The following PALS2 variants were observed in gnomAD, a reference collection of about 807,000 sequenced individuals.
The protein encoded by PALS2 is protein PALS2.
PALS2 carries 27 observed loss-of-function variants against 61.6 expected under a neutral mutation model. The observed-to-expected ratio is 0.44, with a 90% CI of 0.32 to 0.60. The LOEUF (loss-of-function observed/expected upper bound fraction) is 0.60, where lower values mean the gene tolerates loss of function less well. Ranked by LOEUF, PALS2 falls within the 20% of genes least tolerant of loss-of-function variation. The pLI, the probability that PALS2 is intolerant of heterozygous loss-of-function variation, is 0.05. For synonymous variants in PALS2, 236 were observed against 218.6 expected, an observed-to-expected ratio of 1.08 and a Z score of -0.70; for missense variants, 554 against 639.4, an observed-to-expected ratio of 0.87 and a Z score of 1.44.
chr7:24,602,042 C>T (rs1420930978), intron 1 of PALS2, among the ~76,000 whole-genome samples: 1 of 152,016 alleles, frequency 6.6e-6, no homozygotes, highest in Non-Finnish European at 1.5e-5. Context: ...TTCCAAAACC[C>T]ATCTGGTTTA....
chr7:24,663,539 C>T (rs1273169269), intron 5 of PALS2, 51 bp from the exon 6 acceptor site: 1 of 1,473,786 alleles, frequency 6.8e-7, no homozygotes, highest in Non-Finnish European at 9.2e-7. Flanking sequence ...TTTTTAAATT[C>T]AGTGGCAAGT....
At chr7:24,644,579 T>C (rs186818931) in intron 3 of PALS2, among the ~76,000 whole-genome samples, 1 of 152,288 alleles carries the variant, frequency 6.6e-6, no homozygotes. Flanking sequence ...TTTGTGTCTT[T>C]GCTGTTGTGA....
Position 24,675,170 on chromosome 7 carries a change from C to T in PALS2, c.1115-3961C>T, listed in dbSNP as rs559630957. ...GAACATTTCTCTAAGAATTAAGATTCCCTCAGCATGGAGGTAGAGGTAATA... is the reference window on the plus strand; with the variant it reads ...GAACATTTCTCTAAGAATTAAGATTTCCTCAGCATGGAGGTAGAGGTAATA... On this transcript the variant is annotated intron_variant, in intron 9 of 11. Coordinates refer to ENST00000222644, the MANE Select transcript of PALS2 (RefSeq NM_001303037.2). Among the ~76,000 whole-genome samples the T allele has an allele frequency of 3.9e-5, 6 of 152,168 alleles. No individual in the cohort carries two copies. In the South Asian group the frequency reaches 1.0e-3, roughly 26 times the overall value.
intron 2 of PALS2, among the ~76,000 whole-genome samples, chr7:24,634,162 C>T (rs1562628839): frequency 6.6e-6 from 1 of 152,158 alleles, no homozygotes; most frequent in African/African-American, 2.4e-5. Context: ...ATATTTCTCC[C>T]ATTATATAGA....
In PALS2 at chr7:24,687,276, T is replaced by C. The variant is rs1442599837; in HGVS notation, c.1447-162T>C. Among the ~76,000 whole-genome samples the C allele has an allele frequency of 6.6e-6, 1 of 152,244 alleles. No individual in the cohort carries two copies. The highest frequency in any genetic ancestry group is 2.4e-5 in the African/African-American group (1 of 41,468). Reference sequence around the variant, plus strand: ...TTGGAAAGAATAAGACATGAACAGATGGCAGTGTTGTCTTTAACACTATAT... The same window carrying C: ...TTGGAAAGAATAAGACATGAACAGACGGCAGTGTTGTCTTTAACACTATAT... On this transcript the variant is annotated intron_variant, in intron 11 of 11. Transcript: ENST00000222644. The surrounding 1 kb of genome is among the most constrained non-coding windows in gnomAD (Gnocchi z 4.5).
intron 2 of PALS2, among the ~76,000 whole-genome samples, chr7:24,637,505 C>T (rs1785297037): frequency 6.6e-6 from 1 of 151,886 alleles, no homozygotes; most frequent in Non-Finnish European, 1.5e-5. Context: ...TTGATCACAG[C>T]CAAACTTATT....
At chr7:24,623,597 G>A (rs1784612542) in intron 1 of PALS2, 69 bp from the exon 2 acceptor site, 8 of 887,732 alleles carry the variant, frequency 9.0e-6, no homozygotes, top group Non-Finnish European at 1.3e-5. Context: ...ACTCCATAAC[G>A]GCTTGAAATT....
intron 2 of PALS2, among the ~76,000 whole-genome samples, chr7:24,633,191 A>G (rs916946114): frequency 6.6e-6 from 1 of 152,014 alleles, no homozygotes; most frequent in African/African-American, 2.4e-5. Flanking sequence ...CAAGTTTTGC[A>G]CTTACACCAT....
chr7:24,599,045 A>G (rs1463283023), intron 1 of PALS2, among the ~76,000 whole-genome samples: 2 of 152,216 alleles, frequency 1.3e-5, no homozygotes, highest in Non-Finnish European at 2.9e-5. Flanking sequence ...ACAGTCGTGC[A>G]TCACTTAACA....
intron 1 of PALS2, among the ~76,000 whole-genome samples, chr7:24,606,780 T>A (rs1783915218): frequency 6.6e-6 from 1 of 152,084 alleles, no homozygotes; most frequent in African/African-American, 2.4e-5. Flanking sequence ...ATCCCTAATC[T>A]GAAATGCTTG....
chr7:24,639,403 AATACAC>A (rs1403492208), intron 2 of PALS2, among the ~76,000 whole-genome samples: 1 of 107,586 alleles, frequency 9.3e-6, no homozygotes, highest in African/African-American at 6.4e-5. Context: ...ACCTTTGCTG[AATACAC>A]ACACACACAC....
intron 2 of PALS2, among the ~76,000 whole-genome samples, chr7:24,627,498 G>A (rs1784797981): frequency 6.6e-6 from 1 of 151,930 alleles, no homozygotes. Flanking sequence ...CAGAAGACAA[G>A]AAATAACTAA....
intron 2 of PALS2, among the ~76,000 whole-genome samples, chr7:24,639,939 T>C (rs117204691): frequency 0.063 from 9,517 of 151,048 alleles, 346 homozygotes; most frequent in African/African-American, 0.092. Flanking sequence ...GCCTCAGCCT[T>C]CTGGGTAACT....
At chr7:24,636,947 G>T (rs1343888975) in intron 2 of PALS2, among the ~76,000 whole-genome samples, 2 of 152,072 alleles carry the variant, frequency 1.3e-5, no homozygotes, top group African/African-American at 4.8e-5. Context: ...AATAATGTAT[G>T]TATCTTTCAG....
Position 24,641,705 on chromosome 7 carries a change from T to A in PALS2, c.118-11T>A. The A allele has an allele frequency of 2.5e-6, 4 of 1,584,560 alleles. No individual in the cohort carries two copies. The South Asian group carries it at 4.6e-5, about 18-fold the overall frequency. ...AAGTATTACTACTTTAATATACTCT[T>A]ATTTTTTCAGGCTCATGAGAGGCTA... On this transcript the variant is annotated splice_polypyrimidine_tract_variant and intron_variant, in intron 2 of 11. Transcript: ENST00000222644.
intron 2 of PALS2, among the ~76,000 whole-genome samples, chr7:24,639,096 A>G (rs74951415): frequency 0.063 from 9,625 of 152,332 alleles, 351 homozygotes; most frequent in African/African-American, 0.093. Context: ...TAACACATCT[A>G]GACTGGAAGA....
At position 24,676,812 on chromosome 7, in the gene PALS2, T is replaced by A. The variant is rs1787624961; in HGVS notation, c.1115-2319T>A. 1.3e-5 allele frequency among the ~76,000 whole-genome samples: 2 copies of A among 151,226 alleles called. 1 individual carries two copies. The highest frequency in any genetic ancestry group is 1.3e-4 in the Admixed American group (2 of 15,266). ...TATAGTTTGAAGTCAGGTAGTGTGA[T>A]GCCTCCAGCTTTGTTCTTTTGGCTT... On this transcript the variant is annotated intron_variant, in intron 9 of 11. Transcript: ENST00000222644.
intron 1 of PALS2, among the ~76,000 whole-genome samples, chr7:24,579,956 G>A (rs1209484017): frequency 1.3e-5 from 2 of 152,010 alleles, no homozygotes; most frequent in Non-Finnish European, 2.9e-5. Context: ...GATAGAATAG[G>A]GCAGCTGGAG....
chr7:24,636,720 A>C (rs530179695), intron 2 of PALS2, among the ~76,000 whole-genome samples: 7 of 152,244 alleles, frequency 4.6e-5, no homozygotes, highest in Admixed American at 2.6e-4. Flanking sequence ...TCTTTCTGTG[A>C]ATTTCTTTGC....
Sources: gnomAD v4.1 joint callset for allele counts (sites outside exome capture counted in the v4.1 genomes callset) on GRCh38, gnomAD v4.1.1 for gene constraint, Gnocchi (gnomAD v3.1) non-coding constraint, MANE v1.5 for transcripts, NCBI Gene and HGNC (gene_info 2026-07-23, HGNC 2026-07-21) for gene names.